AMOTL2: variants seen among roughly 807,000 people sequenced by gnomAD.
AMOTL2 encodes angiomotin like 2.
In AMOTL2, 33 loss-of-function variants were observed where a neutral mutation model predicts 78.4. The ratio of observed to expected loss-of-function variants is 0.42; its 90% confidence interval spans 0.32 to 0.56. The LOEUF is 0.56. Ranked by LOEUF, AMOTL2 falls within the 20% of genes least tolerant of loss-of-function variation. AMOTL2 has a pLI of 0.12. For synonymous variants in AMOTL2, 422 were observed against 428.8 expected (o/e 0.98, Z 0.20); for missense variants, 983 against 1,030.1 (o/e 0.95, Z 0.63).
At chr3:134,366,900 T>C (rs1229441164) in intron 3 of AMOTL2, 1 of 155,554 alleles carries the variant, frequency 6.4e-6, no homozygotes, top group African/African-American at 2.4e-5. Context: ...AAACTGAGCC[T>C]CAGCGGAAAA....
rs2018007763 is a variant in AMOTL2, at chr3:134,374,382, A to G, written c.-102T>C. 5.1e-6 allele frequency: 5 copies of G among 983,174 alleles called. No individual in the cohort carries two copies. The highest frequency in any genetic ancestry group is 4.7e-5 in the South Asian group (1 of 21,164). The allele number at this position is 983,174 out of a possible 1,614,324, so 60.9% of individuals were successfully genotyped here. ...GTGCCCAGCGCAGTCAGACACCACA[A>G]CCTCCGGCTCGGCCCAGCTCAGCTC... is the stretch of plus-strand genomic sequence containing the variant. On this transcript the variant is annotated 5_prime_UTR_variant, in exon 1 of 10. Transcript: ENST00000249883.
chr3:134,375,122 T>C, upstream of AMOTL2: 1 of 1,523,926 alleles, frequency 6.6e-7, no homozygotes, highest in Non-Finnish European at 8.8e-7. Context: ...CGCCAGCTAT[T>C]TTACGACCGT....
chr3:134,368,475 A>C (rs956156346), intron 2 of AMOTL2, among the ~76,000 whole-genome samples: 6 of 152,152 alleles, frequency 3.9e-5, no homozygotes, highest in African/African-American at 1.4e-4. Flanking sequence ...CTAGAGTCTG[A>C]CAAATAGGGG....
At chr3:134,371,529 A>T (rs1227879046) in intron 1 of AMOTL2, 35 bp from the exon 2 acceptor site, 1 of 1,565,442 alleles carries the variant, frequency 6.4e-7, no homozygotes, top group East Asian at 2.3e-5. Flanking sequence ...AGAGAAAAGC[A>T]ATCAGTGGGA....
chr3:134,374,229 C>A (rs1456145703), intron 1 of AMOTL2, 113 bp downstream of exon 1: 2 of 985,418 alleles, frequency 2.0e-6, no homozygotes, highest in South Asian at 9.4e-5. Context: ...GACGCTCGAT[C>A]CTCGAGGCTC....
In AMOTL2 at chr3:134,374,408, G is replaced by C. The variant is rs1329669305; in HGVS notation, c.-128C>G. The C allele has an allele frequency of 7.1e-6, 7 of 985,138 alleles. No individual in the cohort carries two copies. The highest frequency in any genetic ancestry group is 4.7e-5 in the South Asian group (1 of 21,282). The allele number at this position is 985,138 out of a possible 1,614,324, so 61.0% of individuals were successfully genotyped here. On this transcript the variant is annotated 5_prime_UTR_variant, in exon 1 of 10. Transcript: ENST00000249883. ...CCTCCGGCTCGGCCCAGCTCAGCTC[G>C]GCGGCGAAGATGTGTTCTCGGCCGT...
chr3:134,359,392 G>A lies in AMOTL2; in HGVS notation c.1995C>T (p.Ala665=). 2 of 1,614,206 alleles carry A rather than the reference G, an allele frequency of 1.2e-6. No homozygotes were observed. The highest frequency in any genetic ancestry group is 2.2e-5 in the East Asian group (1 of 44,886). Residue 665 remains alanine (A), a synonymous_variant, in exon 8 of 10, where the codon GCC becomes GCT. Transcript: ENST00000249883. ...GKAIQGSLRP[A]KSVPSVFAAA... The stretch of plus-strand genomic sequence containing the variant: ...CCGCGAAAACAGATGGCACCGACTT[G>A]GCAGGCCGCAGGGAGCCCTGGATGG...
At chr3:134,367,169 C>A (rs1398339722) in intron 3 of AMOTL2, among the ~76,000 whole-genome samples, 1 of 152,168 alleles carries the variant, frequency 6.6e-6, no homozygotes, top group Non-Finnish European at 1.5e-5. Context: ...AAAGGGCTCT[C>A]TGTGGGAGGT....
Position 134,358,716 on chromosome 3 carries a change from T to C in AMOTL2, c.2108A>G (p.Asp703Gly). The change falls in exon 9 of 10, where the codon GAC (aspartate) becomes GGC (glycine). Residue 703 changes from aspartate to glycine, a missense_variant. Asp to Gly is a moderately conservative substitution (Grantham distance 94, BLOSUM62 -1). Coordinates refer to ENST00000249883, the MANE Select transcript of AMOTL2 (RefSeq NM_016201.4). ...CACTGGCTCCTCTGTGGGTGCTCTG[T>C]CTGCTGGAAAGGTAGGTGGATGGTT... ...ADAPARLTTADRAPTEEPVVT... is the reference protein window; with the variant it reads ...ADAPARLTTAGRAPTEEPVVT... 6.2e-7 allele frequency: 1 copy of C among 1,614,068 alleles called. No individual in the cohort carries two copies. The highest frequency in any genetic ancestry group is 8.5e-7 in the Non-Finnish European group (1 of 1,180,008).
chr3:134,367,044 C>T (rs1202789920), intron 3 of AMOTL2, among the ~76,000 whole-genome samples: 3 of 152,200 alleles, frequency 2.0e-5, no homozygotes, highest in Non-Finnish European at 4.4e-5. Flanking sequence ...AGGTTCCGCA[C>T]GTGCTCTTAG....
chr3:134,361,943 T>C lies in AMOTL2; in HGVS notation c.1280-136A>G, dbSNP rs1343929821. 7.6e-6 allele frequency: 6 copies of C among 787,796 alleles called. No homozygotes were observed. The Admixed American group carries it at 1.5e-4, about 19-fold the overall frequency. 48.8% of individuals were successfully genotyped at this position (787,796 alleles called of 1,614,324 possible). A position where few individuals can be genotyped will look rare whatever the true frequency, so the allele number is the denominator to read the frequency against. ...AAAAATAACAGGAATAAGGTACCAC[T>C]ATTAACCCTGTTTCATGGAAGAAGA... is the stretch of plus-strand genomic sequence containing the variant. On this transcript the variant is annotated intron_variant, in intron 5 of 9. Transcript: ENST00000249883.
Position 134,359,297 on chromosome 3 carries a change from G to T in AMOTL2, c.2090C>A (p.Ala697Asp). ...SSERQTADAP[A>D]RLTTADRAPT... ...CCTCCTCTTACCTGTAGTCAGCCGAGCAGGGGCGTCTGCTGTTTGTCGCTC... is the reference window on the plus strand; with the variant it reads ...CCTCCTCTTACCTGTAGTCAGCCGATCAGGGGCGTCTGCTGTTTGTCGCTC... Residue 697 changes from alanine (A) to aspartate (D), a missense_variant, in exon 8 of 10, where the codon GCT (alanine) becomes GAT (aspartate). Coordinates refer to ENST00000249883, the MANE Select transcript of AMOTL2 (RefSeq NM_016201.4). The T allele has an allele frequency of 6.2e-7, 1 of 1,614,204 alleles. No homozygotes were observed. Among genetic ancestry groups the T allele is most frequent in the Non-Finnish European group, 8.5e-7 (1 of 1,180,034 alleles).
Position 134,371,340 on chromosome 3 carries a change from G to A in AMOTL2, c.94C>T (p.Leu32=). 1 of 1,611,452 alleles carries A rather than the reference G, an allele frequency of 6.2e-7. No individual in the cohort carries two copies. Among genetic ancestry groups the A allele is most frequent in the Non-Finnish European group, 8.5e-7 (1 of 1,180,020 alleles). The change falls in exon 2 of 10, where the codon CTA becomes TTA. Residue 32 remains leucine, a synonymous_variant. Coordinates refer to ENST00000249883, the MANE Select transcript of AMOTL2 (RefSeq NM_016201.4). ...CTCAGGGCCTGCTGCTGGATGGCTA[G>A]CAGCGTGCGCGTCTCAGTCAGGTTG... The part of the protein sequence containing the change: ...YGNLTETRTL[L]AIQQQALRGG...
chr3:134,363,432 C>T (rs1178461645), intron 5 of AMOTL2, among the ~76,000 whole-genome samples: 1 of 152,232 alleles, frequency 6.6e-6, no homozygotes, highest in Non-Finnish European at 1.5e-5. Context: ...GAGGACCCTC[C>T]CCTAGTCCAC....
chr3:134,367,806 G>A lies in AMOTL2; in HGVS notation c.735-3C>T, dbSNP rs2017679341. ...GAGGCACCTGGGCCTGCAGGATCCT[G>A]GGGAACAGAAGAGACGGTGCTCAGA... On this transcript the variant is annotated splice_region_variant and splice_polypyrimidine_tract_variant and intron_variant, in intron 2 of 9. Coordinates refer to ENST00000249883, the MANE Select transcript of AMOTL2 (RefSeq NM_016201.4). The A allele has an allele frequency of 1.2e-6, 2 of 1,613,216 alleles. No homozygotes were observed. Among genetic ancestry groups the A allele is most frequent in the Non-Finnish European group, 8.5e-7 (1 of 1,179,914 alleles).
chr3:134,368,918 C>T (rs545579645), intron 2 of AMOTL2, among the ~76,000 whole-genome samples: 1 of 152,224 alleles, frequency 6.6e-6, no homozygotes, highest in African/African-American at 2.4e-5. Context: ...CTTGTGATTC[C>T]CAGTGTCACA....
rs935295526 is a variant in AMOTL2 at position 134,373,804 on chromosome 3, C to T, written c.-62+538G>A. ...CTCCCTCTCGAGCCCTCTTTGTTTT[C>T]CAAATACTCTAACGCTGACGTCACC... On this transcript the variant is annotated intron_variant, in intron 1 of 9. Coordinates refer to ENST00000249883, the MANE Select transcript of AMOTL2 (RefSeq NM_016201.4). 4 of 985,488 alleles carry T rather than the reference C, an allele frequency of 4.1e-6. No homozygotes were observed. In the African/African-American group the frequency reaches 5.2e-5, roughly 13 times the overall value. The allele number at this position is 985,488 out of a possible 1,614,324, so 61.0% of individuals were successfully genotyped here.
chr3:134,367,555 T>C lies in AMOTL2; in HGVS notation c.983A>G (p.Asn328Ser), dbSNP rs757695633. ...LRENARLQRD[N>S]ERLQRELESS... The stretch of plus-strand genomic sequence containing the variant: ...CTCCAGCTCCCTCTGCAGCCGCTCA[T>C]TGTCTCTCTGCAGCCTGGCATTCTC... Residue 328 changes from asparagine (N) to serine (S), a missense_variant, in exon 3 of 10, where the codon AAT becomes AGT. Physicochemically the swap from Asn to Ser is conservative, Grantham distance 46. Transcript: ENST00000249883. 8 of 1,613,216 alleles carry C rather than the reference T, an allele frequency of 5.0e-6. No individual in the cohort carries two copies. The Admixed American group carries it at 8.3e-5, about 17-fold the overall frequency.
In AMOTL2 at chr3:134,365,814, C is replaced by CA; in HGVS notation, c.1279+2dup. On this transcript the variant is annotated splice_region_variant and intron_variant, in intron 5 of 9. Coordinates refer to ENST00000249883, the MANE Select transcript of AMOTL2 (RefSeq NM_016201.4). Reference sequence around the variant, plus strand: ...CAGGCTTCTTAGTGGGGCCCCTACTCACTCTGAGCAAGCAGCTTGGCCACC... The same window carrying CA: ...CAGGCTTCTTAGTGGGGCCCCTACTCAACTCTGAGCAAGCAGCTTGGCCACC... 6.2e-7 allele frequency: 1 copy of CA among 1,613,812 alleles called. No homozygotes were observed.
Sources: allele counts gnomAD v4.1 joint callset (sites outside exome capture counted in the v4.1 genomes callset), GRCh38; gene constraint gnomAD v4.1.1; transcripts MANE v1.5; gene names NCBI Gene and HGNC (gene_info 2026-07-23, HGNC 2026-07-21).